The following HECW2 variants were observed in gnomAD, a reference collection of about 807,000 sequenced individuals.
HECW2 encodes E3 ubiquitin-protein ligase HECW2.
HECW2 carries 61 observed loss-of-function variants against 175.2 expected under a neutral mutation model. That is an observed-to-expected ratio of 0.35 (90% CI 0.28 to 0.43). HECW2 has a LOEUF of 0.43. HECW2 is among the 20% of genes least tolerant of loss of function. HECW2 has a pLI of 1.00. For missense variants in HECW2, 1,524 were observed against 2,000.5 expected, an observed-to-expected ratio of 0.76 and a Z score of 4.54; for synonymous variants, 671 against 731.0, an observed-to-expected ratio of 0.92 and a Z score of 1.32.
chr2:196,353,488 G>A (rs1360988340), intron 2 of HECW2, among the ~76,000 whole-genome samples: 2 of 152,176 alleles, frequency 1.3e-5, no homozygotes, highest in African/African-American at 4.8e-5. Context: ...TCTGTTTACT[G>A]ATGTATCCCA....
intron 2 of HECW2, among the ~76,000 whole-genome samples, chr2:196,387,614 G>A (rs557002350): frequency 6.6e-6 from 1 of 152,128 alleles, no homozygotes; most frequent in South Asian, 2.1e-4. Context: ...GGATTATTTT[G>A]AACAAAAACA....
At chr2:196,304,065 ACT>A (rs924817658) in intron 13 of HECW2, among the ~76,000 whole-genome samples, 12 of 152,002 alleles carry the variant, frequency 7.9e-5, no homozygotes, top group African/African-American at 2.7e-4. Flanking sequence ...AACTTAAAAA[ACT>A]CTAAATTACT....
At chr2:196,265,931 C>A (rs769350179) in intron 17 of HECW2, among the ~76,000 whole-genome samples, 2 of 152,114 alleles carry the variant, frequency 1.3e-5, no homozygotes, top group Admixed American at 6.5e-5. Flanking sequence ...ATCTTAAGAG[C>A]TATACTCAAC....
At chr2:196,231,476 C>A (rs569616024) in intron 21 of HECW2, among the ~76,000 whole-genome samples, 1 of 152,316 alleles carries the variant, frequency 6.6e-6, no homozygotes, top group Admixed American at 6.5e-5. Context: ...CAATCTGCCC[C>A]ACCCTCTGGT....
At chr2:196,567,242 C>T (rs1412964789) in intron 1 of HECW2, among the ~76,000 whole-genome samples, 1 of 152,166 alleles carries the variant, frequency 6.6e-6, no homozygotes, top group Non-Finnish European at 1.5e-5. Flanking sequence ...CCTGACCCAC[C>T]TGTTTCCCTT....
Position 196,292,635 on chromosome 2 carries a change from A to C in HECW2, c.2930T>G (p.Leu977Arg). ...YQHNRDLVGF[L>R]NMFANKQLEL... The stretch of plus-strand genomic sequence containing the variant: ...TAGCTGTTTGTTCGCGAACATGTTG[A>C]GGAATCCCACAAGGTCGCGGTTATG... Residue 977 changes from leucine (L) to arginine (R), a missense_variant, in exon 14 of 29, where the codon CTC (leucine) becomes CGC (arginine). By Grantham distance (102) the Leu-to-Arg change is moderately radical (BLOSUM62 -2). Coordinates refer to ENST00000644978, the MANE Select transcript of HECW2 (RefSeq NM_001348768.2). The C allele has an allele frequency of 6.2e-7, 1 of 1,614,192 alleles. No homozygotes were observed. The highest frequency in any genetic ancestry group is 8.5e-7 in the Non-Finnish European group (1 of 1,180,022).
intron 2 of HECW2, among the ~76,000 whole-genome samples, chr2:196,377,836 T>C (rs1172854705): frequency 2.6e-5 from 4 of 152,100 alleles, no homozygotes; most frequent in African/African-American, 9.7e-5. Flanking sequence ...GCAGATTAAG[T>C]CAATACTGCT....
At chr2:196,334,912 T>C (rs1307515905) in intron 3 of HECW2, among the ~76,000 whole-genome samples, 1 of 152,194 alleles carries the variant, frequency 6.6e-6, no homozygotes, top group Non-Finnish European at 1.5e-5. Context: ...AGAAGAGATG[T>C]TGAGGTTTGC....
chr2:196,556,841 C>A (rs1347454806), intron 1 of HECW2, among the ~76,000 whole-genome samples: 2 of 152,100 alleles, frequency 1.3e-5, no homozygotes, highest in Non-Finnish European at 2.9e-5. Context: ...AAATCTCTAT[C>A]AAAAATATTG....
At chr2:196,435,574 T>C (rs1231963508) in intron 1 of HECW2, among the ~76,000 whole-genome samples, 3 of 152,218 alleles carry the variant, frequency 2.0e-5, no homozygotes, top group African/African-American at 7.2e-5. Context: ...TATTCCTCTC[T>C]AGAAAAAAGT....
intron 1 of HECW2, among the ~76,000 whole-genome samples, chr2:196,465,568 T>C (rs1696918678): frequency 1.3e-5 from 2 of 152,042 alleles, no homozygotes; most frequent in Non-Finnish European, 2.9e-5. Context: ...TTCTACTGCT[T>C]GTAAGCCTAA....
At chr2:196,284,100 T>C (rs1429070058) in intron 14 of HECW2, among the ~76,000 whole-genome samples, 1 of 152,186 alleles carries the variant, frequency 6.6e-6, no homozygotes, top group African/African-American at 2.4e-5. Context: ...TATATCATAC[T>C]TTATTTTAGG....
chr2:196,482,498 G>A (rs1686875047), intron 1 of HECW2, among the ~76,000 whole-genome samples: 1 of 152,180 alleles, frequency 6.6e-6, no homozygotes, highest in Non-Finnish European at 1.5e-5. Context: ...TGGGAGTGGG[G>A]ACAGCCAGCA....
At chr2:196,442,070 A>C (rs1180690174) in intron 1 of HECW2, among the ~76,000 whole-genome samples, 1 of 152,202 alleles carries the variant, frequency 6.6e-6, no homozygotes, top group East Asian at 1.9e-4. Context: ...TTTTAAAGAC[A>C]GTTCAAGAAT....
At chr2:196,327,474 A>C (rs1692197420) in intron 5 of HECW2, among the ~76,000 whole-genome samples, 1 of 152,250 alleles carries the variant, frequency 6.6e-6, no homozygotes, top group African/African-American at 2.4e-5. Flanking sequence ...TAAATATCCT[A>C]AATAAAGCCT....
chr2:196,325,049 A>G lies in HECW2; in HGVS notation c.672T>C (p.Cys224=), dbSNP rs756141162. 6.2e-7 allele frequency: 1 copy of G among 1,612,630 alleles called. No homozygotes were observed. The highest frequency in any genetic ancestry group is 1.1e-5 in the South Asian group (1 of 90,906). Residue 224 remains cysteine (C), a synonymous_variant, in exon 6 of 29, where the codon TGT becomes TGC. Coordinates refer to ENST00000644978, the MANE Select transcript of HECW2 (RefSeq NM_001348768.2). ...QPGKKSSFPT[C]AHHGQERRST... is the part of the protein sequence containing the mutation. Reference sequence around the variant, plus strand: ...ACCGTCTCTCCTGCCCGTGGTGGGCACAGGTGGGGAAACTGCTCTTCTTTC... The same window carrying G: ...ACCGTCTCTCCTGCCCGTGGTGGGCGCAGGTGGGGAAACTGCTCTTCTTTC...
At chr2:196,334,944 A>G (rs1262249094) in intron 3 of HECW2, among the ~76,000 whole-genome samples, 1 of 152,162 alleles carries the variant, frequency 6.6e-6, no homozygotes, top group African/African-American at 2.4e-5. Context: ...CAGATAAGAA[A>G]TGAGAGTCAG....
intron 2 of HECW2, among the ~76,000 whole-genome samples, chr2:196,404,283 A>C (rs1694900426): frequency 6.6e-6 from 1 of 152,152 alleles, no homozygotes; most frequent in Admixed American, 6.5e-5. Flanking sequence ...TTGCCCCATG[A>C]ATATATACTT....
chr2:196,294,105 T>C (rs1167737850), intron 13 of HECW2, among the ~76,000 whole-genome samples: 2 of 152,224 alleles, frequency 1.3e-5, no homozygotes, highest in African/African-American at 4.8e-5. Context: ...AACTCCACTA[T>C]ACCACCACAC....
Sources: allele counts gnomAD v4.1 joint callset (sites outside exome capture counted in the v4.1 genomes callset), GRCh38; gene constraint gnomAD v4.1.1; transcripts MANE v1.5; gene names NCBI Gene and HGNC (gene_info 2026-07-23, HGNC 2026-07-21).